The following ATP2B1 variants were observed in gnomAD, a reference collection of about 807,000 sequenced individuals.
ATP2B1 encodes ATPase plasma membrane Ca2+ transporting 1, also known as plasma membrane calcium-transporting ATPase 1.
A neutral mutation model predicts 124.2 loss-of-function variants in ATP2B1; 14 were observed. The ratio of observed to expected loss-of-function variants is 0.11; its 90% CI spans 0.07 to 0.18. The LOEUF is 0.18. Ranked by LOEUF, ATP2B1 falls within the 10% of genes least tolerant of loss-of-function variation. ATP2B1 has a pLI of 1.00. For missense variants in ATP2B1, 763 were observed against 1,466.1 expected (o/e 0.52, Z 7.83); for synonymous variants, 449 against 492.4 (o/e 0.91, Z 1.17).
intron 20 of ATP2B1, chr12:89,594,794 A>G (rs1874262267): frequency 1.3e-5 from 2 of 151,984 alleles, no homozygotes; most frequent in South Asian, 4.1e-4. Flanking sequence ...AGCAGAAAAT[A>G]ACATTGTTTA....
chr12:89,695,995 A>G (rs907064422), intron 1 of ATP2B1, among the ~76,000 whole-genome samples: 5 of 152,222 alleles, frequency 3.3e-5, no homozygotes, highest in Non-Finnish European at 7.3e-5. Flanking sequence ...TTCAAGCTCA[A>G]GACCAGACAC....
intron 12 of ATP2B1, among the ~76,000 whole-genome samples, chr12:89,613,867 T>C (rs937393619): frequency 1.3e-5 from 2 of 152,240 alleles, no homozygotes; most frequent in African/African-American, 4.8e-5. Context: ...CTTATACATA[T>C]GTAATAAAAA....
At position 89,620,172 on chromosome 12, in the gene ATP2B1, A is replaced by C; in HGVS notation, c.1656T>G (p.Leu552=). The C allele has an allele frequency of 6.2e-7, 1 of 1,614,122 alleles. No individual in the cohort carries two copies. The highest frequency in any genetic ancestry group is 8.5e-7 in the Non-Finnish European group (1 of 1,179,996). Reference sequence around the variant, plus strand: ...GATAATCCCGTTTTAAATCCAAAAGAAGTCCCAACAAGGCACATTCAGTTT... The same window carrying C: ...GATAATCCCGTTTTAAATCCAAAAGCAGTCCCAACAAGGCACATTCAGTTT... The part of the protein sequence containing the change: ...GNKTECALLG[L]LLDLKRDYQD... Residue 552 remains leucine (L), a synonymous_variant, in exon 11 of 21, where the codon CTT becomes CTG. Coordinates refer to ENST00000428670, the MANE Select transcript of ATP2B1 (RefSeq NM_001366521.1).
At chr12:89,611,563 T>A in intron 12 of ATP2B1, 191 bp from the exon 13 acceptor site, 1 of 463,840 alleles carries the variant, frequency 2.2e-6, no homozygotes, top group Non-Finnish European at 3.5e-6. Context: ...TCTTTCCAAT[T>A]CCACTGCCAG....
rs1873062135 is a variant in ATP2B1, at chr12:89,588,803, G to A, written c.*2181C>T. 6.6e-6 allele frequency: 1 copy of A among 152,492 alleles called. No individual in the cohort carries two copies. Among genetic ancestry groups the A allele is most frequent in the East Asian group, 1.9e-4 (1 of 5,196 alleles). The allele number at this position is 152,492 out of a possible 1,614,324, so 9.4% of individuals were successfully genotyped here. On this transcript the variant is annotated 3_prime_UTR_variant, in exon 21 of 21. Coordinates refer to ENST00000428670, the MANE Select transcript of ATP2B1 (RefSeq NM_001366521.1). ...TTTTGGTAATTACATTCATATTTAA[G>A]CATAACCAAAATAAAAAAGAAAACT... is the stretch of plus-strand genomic sequence containing the variant.
intron 12 of ATP2B1, among the ~76,000 whole-genome samples, chr12:89,615,543 G>A (rs1878808430): frequency 6.6e-6 from 1 of 152,182 alleles, no homozygotes; most frequent in Admixed American, 6.5e-5. Flanking sequence ...CTAAAAGAGT[G>A]CTACACATTA....
At chr12:89,676,493 C>T (rs968580321) in intron 1 of ATP2B1, among the ~76,000 whole-genome samples, 2 of 152,066 alleles carry the variant, frequency 1.3e-5, no homozygotes, top group Non-Finnish European at 2.9e-5. Flanking sequence ...GGTCTCACTA[C>T]GTTGCCCAGG....
intron 1 of ATP2B1, among the ~76,000 whole-genome samples, chr12:89,707,836 T>C (rs1318160802): frequency 2.0e-5 from 3 of 152,020 alleles, no homozygotes; most frequent in Non-Finnish European, 2.9e-5. Context: ...TCCCGCAGGA[T>C]GGGATAAAGA....
At chr12:89,700,073 CAG>C (rs1891656150) in intron 1 of ATP2B1, among the ~76,000 whole-genome samples, 1 of 148,540 alleles carries the variant, frequency 6.7e-6, no homozygotes, top group Non-Finnish European at 1.5e-5. Context: ...AGGCTGGTCT[CAG>C]ACTCCTGTGG....
chr12:89,658,643 G>GAGAGAGAGAGAGAT (rs1886294800), intron 1 of ATP2B1, among the ~76,000 whole-genome samples: 2 of 142,892 alleles, frequency 1.4e-5, no homozygotes, highest in East Asian at 2.0e-4. Flanking sequence ...GAGAGAGAGA[G>GAGAGAGAGAGAGAT]AGAGATAGAG....
intron 1 of ATP2B1, among the ~76,000 whole-genome samples, chr12:89,707,660 C>T (rs780358229): frequency 3.9e-5 from 6 of 152,182 alleles, no homozygotes; most frequent in Admixed American, 2.0e-4. Context: ...TTAACCCACC[C>T]GGACGCCCTG....
At chr12:89,619,212 A>T (rs927878582) in intron 11 of ATP2B1, among the ~76,000 whole-genome samples, 14 of 152,342 alleles carry the variant, frequency 9.2e-5, no homozygotes, top group African/African-American at 3.4e-4. Context: ...ATTTTGATAT[A>T]AATGGGGAAT....
intron 20 of ATP2B1, chr12:89,598,862 G>A: frequency 2.4e-6 from 3 of 1,261,360 alleles, no homozygotes; most frequent in African/African-American, 3.0e-5. Flanking sequence ...CAGCATATAG[G>A]CAAGAATAGC....
In ATP2B1 at chr12:89,611,265, T is replaced by C. The variant is rs756439219; in HGVS notation, c.2175A>G (p.Leu725=). 6.2e-6 allele frequency: 10 copies of C among 1,611,974 alleles called. No individual in the cohort carries two copies. The highest frequency in any genetic ancestry group is 7.6e-6 in the Non-Finnish European group (9 of 1,179,164). ...ARAIATKCGI[L]HPGEDFLCLE... ...GGCACAGAAAATCTTCCCCAGGATG[T>C]AAAATACCACATTTGGTAGCAATGG... The change falls in exon 13 of 21, where the codon TTA becomes TTG. Residue 725 remains leucine (L), a synonymous_variant. Transcript: ENST00000428670.
chr12:89,616,739 T>G (rs1879040404), intron 12 of ATP2B1, 63 bp downstream of exon 12: 1 of 1,456,812 alleles, frequency 6.9e-7, no homozygotes, highest in Middle Eastern at 1.8e-4. Flanking sequence ...TGGTTACAAT[T>G]AAGGCCTAGG....
At chr12:89,599,673 C>T (rs1306834456) in intron 19 of ATP2B1, among the ~76,000 whole-genome samples, 3 of 151,458 alleles carry the variant, frequency 2.0e-5, no homozygotes, top group Non-Finnish European at 2.9e-5. Flanking sequence ...ATGCAAAACA[C>T]GTTTACATTT....
At chr12:89,666,963 C>G (rs1887382196) in intron 1 of ATP2B1, among the ~76,000 whole-genome samples, 2 of 151,946 alleles carry the variant, frequency 1.3e-5, no homozygotes, top group African/African-American at 4.8e-5. Flanking sequence ...TCTCCACCCA[C>G]CTCCCTGCCA....
intron 1 of ATP2B1, among the ~76,000 whole-genome samples, chr12:89,693,785 A>T (rs953715763): frequency 2.6e-5 from 4 of 152,302 alleles, no homozygotes; most frequent in African/African-American, 9.6e-5. Context: ...TAAACACCTA[A>T]AGTGGAGTAA....
chr12:89,643,723 C>T (rs936760683), intron 2 of ATP2B1, among the ~76,000 whole-genome samples: 15 of 152,182 alleles, frequency 9.9e-5, no homozygotes, highest in Admixed American at 1.3e-4. Context: ...AAAGTGTGTA[C>T]ACATGTACAT....
Sources: allele counts gnomAD v4.1 joint callset (sites outside exome capture counted in the v4.1 genomes callset), GRCh38; gene constraint gnomAD v4.1.1; transcripts MANE v1.5; gene names NCBI Gene and HGNC (gene_info 2026-07-23, HGNC 2026-07-21).